The following SLC1A1 variants were observed in gnomAD, a reference collection of about 807,000 sequenced individuals.
SLC1A1 encodes the protein solute carrier family 1 member 1, also known as excitatory amino acid transporter 3.
A neutral mutation model predicts 53.3 loss-of-function variants in SLC1A1; 43 were observed. The ratio of observed to expected loss-of-function variants is 0.81; its 90% CI spans 0.63 to 1.04. The LOEUF (loss-of-function observed/expected upper bound fraction) is 1.04. Among genes scored for constraint, SLC1A1 ranks in the 50% least tolerant of loss-of-function variants. SLC1A1 has a pLI of 0.00. For synonymous variants in SLC1A1, 307 were observed against 243.2 expected (o/e 1.26, Z -2.44); for missense variants, 748 against 664.9 (o/e 1.12, Z -1.37).
Position 4,490,590 on chromosome 9 carries a change from T to C in SLC1A1, c.-90T>C, listed in dbSNP as rs1820193846. On this transcript the variant is annotated 5_prime_UTR_variant, in exon 1 of 12. Coordinates refer to ENST00000262352, the MANE Select transcript of SLC1A1 (RefSeq NM_004170.6). ...CTCACCTCTCCCCTGTGCACCCGCA[T>C]CTCGCCGCGCCGCCGAGCAGCCAGC... 1 of 1,056,662 alleles carries C rather than the reference T, an allele frequency of 9.5e-7. No homozygotes were observed. The highest frequency in any genetic ancestry group is 1.4e-5 in the South Asian group (1 of 73,796). 65.5% of individuals were successfully genotyped at this position (1,056,662 alleles called of 1,614,324 possible). A position where few individuals can be genotyped will look rare whatever the true frequency, so the allele number is the denominator to read the frequency against.
At position 4,567,738 on chromosome 9, in the gene SLC1A1, A is replaced by G; in HGVS notation, c.553A>G (p.Thr185Ala). 1 of 1,611,996 alleles carries G rather than the reference A, an allele frequency of 6.2e-7. No homozygotes were observed. Among genetic ancestry groups the G allele is most frequent in the Middle Eastern group, 1.7e-4 (1 of 6,058 alleles). Residue 185 changes from threonine (T) to alanine (A), a missense_variant, in exon 6 of 12, where the codon ACA becomes GCA. Transcript: ENST00000262352. ...PEMNMTEESF[T>A]AVMTTAISKN... Reference sequence around the variant, plus strand: ...GATGAACATGACAGAAGAGTCCTTCACAGCTGTCATGACAACTGCAATTTC... The same window carrying G: ...GATGAACATGACAGAAGAGTCCTTCGCAGCTGTCATGACAACTGCAATTTC...
At chr9:4,525,499 A>G (rs1816226434) in intron 1 of SLC1A1, among the ~76,000 whole-genome samples, 1 of 152,172 alleles carries the variant, frequency 6.6e-6, no homozygotes, top group Non-Finnish European at 1.5e-5. Flanking sequence ...CAAAAATTAC[A>G]AATTACACAG....
chr9:4,541,159 C>T (rs1383268028), intron 1 of SLC1A1, among the ~76,000 whole-genome samples: 3 of 152,188 alleles, frequency 2.0e-5, no homozygotes, highest in Non-Finnish European at 4.4e-5. Flanking sequence ...CTTCCTGCTA[C>T]ACCGTTCAGG....
chr9:4,585,835 G>A lies in SLC1A1; in HGVS notation c.*277G>A. On this transcript the variant is annotated 3_prime_UTR_variant, in exon 12 of 12. Transcript: ENST00000262352. Reference sequence around the variant, plus strand: ...GAGACAAAGTTTGGAAGTACATAAAGTAATAACTGTTAGAATTAGGTAATG... The same window carrying A: ...GAGACAAAGTTTGGAAGTACATAAAATAATAACTGTTAGAATTAGGTAATG... 1 of 447,364 alleles carries A rather than the reference G, an allele frequency of 2.2e-6. No individual in the cohort carries two copies. The highest frequency in any genetic ancestry group is 4.1e-6 in the Non-Finnish European group (1 of 244,022). The allele number at this position is 447,364 out of a possible 1,614,324, so 27.7% of individuals were successfully genotyped here.
rs1821624262 is a variant in SLC1A1, at chr9:4,587,117, G to A, written c.*1559G>A. The A allele has an allele frequency of 6.6e-6, 1 of 152,588 alleles. No homozygotes were observed. Among genetic ancestry groups the A allele is most frequent in the Non-Finnish European group, 1.5e-5 (1 of 68,036 alleles). The allele number at this position is 152,588 out of a possible 1,614,324, so 9.5% of individuals were successfully genotyped here. On this transcript the variant is annotated 3_prime_UTR_variant, in exon 12 of 12. Coordinates refer to ENST00000262352, the MANE Select transcript of SLC1A1 (RefSeq NM_004170.6). ...TAGCAGAAGAGTAGATAAGTGCTCAGTATTGACGACCTACATCTGAAATCT... is the reference window on the plus strand; with the variant it reads ...TAGCAGAAGAGTAGATAAGTGCTCAATATTGACGACCTACATCTGAAATCT...
chr9:4,532,308 C>T (rs1816502713), intron 1 of SLC1A1, among the ~76,000 whole-genome samples: 1 of 151,882 alleles, frequency 6.6e-6, no homozygotes, highest in South Asian at 2.1e-4. Flanking sequence ...AAGTTAAAAA[C>T]CTTGAAAAAA....
At chr9:4,564,227 G>C (rs930117848) in intron 3 of SLC1A1, 117 bp from the exon 4 acceptor site, 1 of 750,048 alleles carries the variant, frequency 1.3e-6, no homozygotes, top group South Asian at 1.5e-5. Flanking sequence ...TGGACCTCAG[G>C]GTCCTCCCCA....
intron 1 of SLC1A1, among the ~76,000 whole-genome samples, chr9:4,492,652 T>G (rs1269322256): frequency 6.6e-6 from 1 of 151,660 alleles, no homozygotes; most frequent in African/African-American, 2.4e-5. Flanking sequence ...GTACAAAAAT[T>G]AGCGTGGTGG....
chr9:4,534,856 A>G (rs922640325), intron 1 of SLC1A1, among the ~76,000 whole-genome samples: 40 of 152,302 alleles, frequency 2.6e-4, no homozygotes, highest in African/African-American at 9.6e-4. Flanking sequence ...AAGCTTATCC[A>G]CCATGATCTA....
chr9:4,553,838 G>C (rs1177971841), intron 2 of SLC1A1: 1 of 152,172 alleles, frequency 6.6e-6, no homozygotes, highest in Non-Finnish European at 1.5e-5. Flanking sequence ...ATGTCTCTAA[G>C]AAAAGTAGAT....
chr9:4,543,269 C>T lies in SLC1A1; in HGVS notation c.92-1298C>T, dbSNP rs544688930. 4.6e-5 allele frequency among the ~76,000 whole-genome samples: 7 copies of T among 152,302 alleles called. No homozygotes were observed. The South Asian group carries it at 1.5e-3, about 32-fold the overall frequency. On this transcript the variant is annotated intron_variant, in intron 1 of 11. Transcript: ENST00000262352. ...TAGGTTCACATACCAGTGATATCCT[C>T]CTTGAATCTTTCTGCCACTTAGTCA...
At position 4,586,209 on chromosome 9, in the gene SLC1A1, A is replaced by G. The variant is rs2129907711; in HGVS notation, c.*651A>G. ...TAACTGTTAACCCAGTGTTCAGCAT[A>G]GAGCTATATATATATATATATGTAT... is the stretch of plus-strand genomic sequence containing the variant. On this transcript the variant is annotated 3_prime_UTR_variant, in exon 12 of 12. Transcript: ENST00000262352. The G allele has an allele frequency of 6.7e-6, 1 of 148,918 alleles. No homozygotes were observed. The highest frequency in any genetic ancestry group is 2.4e-5 in the African/African-American group (1 of 40,850). The allele number at this position is 148,918 out of a possible 1,614,324, so 9.2% of individuals were successfully genotyped here. A position where few individuals can be genotyped will look rare whatever the true frequency, so the allele number is the denominator to read the frequency against.
chr9:4,506,104 G>T (rs371641928), intron 1 of SLC1A1, among the ~76,000 whole-genome samples: 1 of 152,084 alleles, frequency 6.6e-6, no homozygotes, highest in African/African-American at 2.4e-5. Flanking sequence ...GGGATTACAG[G>T]CTCCTGCCGT....
chr9:4,542,214 G>A (rs1817077676), intron 1 of SLC1A1, among the ~76,000 whole-genome samples: 1 of 152,016 alleles, frequency 6.6e-6, no homozygotes, highest in Non-Finnish European at 1.5e-5. Flanking sequence ...AAGGAAGGAA[G>A]GAATATTGGA....
chr9:4,571,032 T>C (rs575947263), intron 6 of SLC1A1, among the ~76,000 whole-genome samples: 2 of 152,220 alleles, frequency 1.3e-5, no homozygotes, highest in South Asian at 2.1e-4. Flanking sequence ...ATATATACCA[T>C]GGAATGCTAT....
intron 1 of SLC1A1, among the ~76,000 whole-genome samples, chr9:4,523,729 C>G (rs955238684): frequency 3.3e-5 from 5 of 152,188 alleles, no homozygotes; most frequent in Non-Finnish European, 7.4e-5. Flanking sequence ...ATTAGCTGTA[C>G]TTACAGTGTG....
intron 1 of SLC1A1, among the ~76,000 whole-genome samples, chr9:4,524,379 T>C (rs7027993): frequency 0.3 from 45,913 of 151,966 alleles, 8,285 homozygotes; most frequent in Admixed American, 0.41. Context: ...CAAAGAAATA[T>C]AAAAGTCCCC....
chr9:4,582,174 G>A (rs561109825), intron 10 of SLC1A1, among the ~76,000 whole-genome samples: 2 of 152,234 alleles, frequency 1.3e-5, no homozygotes, highest in Non-Finnish European at 2.9e-5. Flanking sequence ...TTAAAATAAG[G>A]AAGATGTTGC....
chr9:4,503,621 G>A (rs1464288359), intron 1 of SLC1A1, among the ~76,000 whole-genome samples: 1 of 151,828 alleles, frequency 6.6e-6, no homozygotes, highest in South Asian at 2.1e-4. Flanking sequence ...CTGTATAAAG[G>A]TGATGATACA....
Sources: allele counts gnomAD v4.1 joint callset (sites outside exome capture counted in the v4.1 genomes callset), GRCh38; gene constraint gnomAD v4.1.1; transcripts MANE v1.5; gene names NCBI Gene and HGNC (gene_info 2026-07-23, HGNC 2026-07-21).